MCF2L2: variants seen among roughly 807,000 people sequenced by gnomAD.
MCF2L2 encodes MCF.2 cell line derived transforming sequence-like 2.
In MCF2L2, 102 loss-of-function variants were observed where a neutral mutation model predicts 150.2. That is an observed-to-expected ratio of 0.68 (90% CI 0.58 to 0.80). MCF2L2 has a LOEUF of 0.80. Among genes scored for constraint, MCF2L2 ranks in the 30% least tolerant of loss-of-function variants. The probability of loss-of-function intolerance (pLI) is 0.00; values close to 1 mark genes in which losing one functional copy is unlikely to be tolerated. For missense variants in MCF2L2, 1,256 were observed against 1,372.8 expected (o/e 0.91, Z 1.34); for synonymous variants, 465 against 491.3 (o/e 0.95, Z 0.71).
At chr3:183,188,953 T>A (rs114337504) in intron 27 of MCF2L2, among the ~76,000 whole-genome samples, 1,974 of 151,256 alleles carry the variant, frequency 0.013, 47 homozygotes, top group African/African-American at 0.045. Flanking sequence ...GAGCGACAAG[T>A]GTGAAACTCT....
At chr3:183,343,268 C>G (rs1017765416) in intron 3 of MCF2L2, among the ~76,000 whole-genome samples, 7 of 151,782 alleles carry the variant, frequency 4.6e-5, no homozygotes, top group African/African-American at 1.2e-4. Context: ...CCATAGAGAG[C>G]AAATACTAGA....
chr3:183,213,138 T>C (rs1722797802), intron 22 of MCF2L2, among the ~76,000 whole-genome samples: 1 of 151,948 alleles, frequency 6.6e-6, no homozygotes, highest in Non-Finnish European at 1.5e-5. Context: ...GTGGTTTATA[T>C]AAATTTGTTC....
chr3:183,220,431 G>GAGT (rs1265205102), intron 20 of MCF2L2, among the ~76,000 whole-genome samples: 1 of 152,108 alleles, frequency 6.6e-6, no homozygotes, highest in East Asian at 1.9e-4. Context: ...GGTTGTGGTA[G>GAGT]AGTGTTATAT....
intron 5 of MCF2L2, among the ~76,000 whole-genome samples, chr3:183,336,289 TA>T (rs1182974054): frequency 6.6e-6 from 1 of 152,142 alleles, no homozygotes; most frequent in Non-Finnish European, 1.5e-5. Context: ...GATAAAATGT[TA>T]ACAATGGGTG....
At chr3:183,255,529 A>T (rs1189221157) in intron 15 of MCF2L2, among the ~76,000 whole-genome samples, 1 of 152,146 alleles carries the variant, frequency 6.6e-6, no homozygotes, top group African/African-American at 2.4e-5. Context: ...ACTCAGGCTG[A>T]CCCTTCCCGG....
intron 6 of MCF2L2, among the ~76,000 whole-genome samples, chr3:183,320,244 C>T (rs947550325): frequency 6.6e-6 from 1 of 152,060 alleles, no homozygotes; most frequent in Non-Finnish European, 1.5e-5. Flanking sequence ...AGGCACCCGC[C>T]ACCACGCCCA....
At chr3:183,355,093 T>C (rs1450970645) in intron 3 of MCF2L2, among the ~76,000 whole-genome samples, 2 of 150,660 alleles carry the variant, frequency 1.3e-5, no homozygotes, top group Non-Finnish European at 3.0e-5. Context: ...TATTATTTAT[T>C]TTATTTTATT....
chr3:183,225,204 T>C (rs931868587), intron 18 of MCF2L2: 8 of 152,266 alleles, frequency 5.3e-5, no homozygotes, highest in African/African-American at 1.9e-4. Context: ...TCTGTAGCTC[T>C]TTCTTTCTCC....
intron 5 of MCF2L2, among the ~76,000 whole-genome samples, chr3:183,334,368 A>G (rs1730384949): frequency 6.6e-6 from 1 of 152,208 alleles, no homozygotes; most frequent in South Asian, 2.1e-4. Context: ...TCTATTTAAT[A>G]TTTGGGAAAG....
At chr3:183,424,555 C>T (rs1205622971) in intron 1 of MCF2L2, among the ~76,000 whole-genome samples, 1 of 152,168 alleles carries the variant, frequency 6.6e-6, no homozygotes, top group Non-Finnish European at 1.5e-5. Context: ...ATCTAGGGTA[C>T]ATAAGACTCT....
intron 15 of MCF2L2, among the ~76,000 whole-genome samples, chr3:183,256,950 A>C (rs575771022): frequency 1.3e-5 from 2 of 152,334 alleles, no homozygotes; most frequent in Admixed American, 1.3e-4. Context: ...CGATGTGTTA[A>C]ATGGCCCTTA....
intron 1 of MCF2L2, chr3:183,400,528 C>T (rs1156773778): frequency 4.4e-6 from 2 of 455,218 alleles, no homozygotes; most frequent in Admixed American, 4.7e-5. Flanking sequence ...CGCTCGCTCT[C>T]CATTTCTCTC....
intron 15 of MCF2L2, among the ~76,000 whole-genome samples, chr3:183,239,461 T>TA (rs11377299): frequency 0.26 from 38,458 of 146,344 alleles, 5,111 homozygotes; most frequent in South Asian, 0.34. Context: ...AGGAATATGC[T>TA]AAAAAAAAAA....
chr3:183,249,099 T>G (rs971241869), intron 15 of MCF2L2, among the ~76,000 whole-genome samples: 1 of 152,214 alleles, frequency 6.6e-6, no homozygotes, highest in Non-Finnish European at 1.5e-5. Flanking sequence ...TTTTAAAATA[T>G]GTGTTAATCA....
At chr3:183,241,729 G>T (rs759105245) in intron 15 of MCF2L2, among the ~76,000 whole-genome samples, 1 of 152,184 alleles carries the variant, frequency 6.6e-6, no homozygotes, top group African/African-American at 2.4e-5. Flanking sequence ...GGTAGAGTGG[G>T]GTGCTGCAGT....
intron 4 of MCF2L2, 84 bp from the exon 5 acceptor site, chr3:183,339,003 A>G (rs1730600957): frequency 7.4e-7 from 1 of 1,352,400 alleles, no homozygotes; most frequent in South Asian, 1.6e-5. Flanking sequence ...CCCCTTGCCC[A>G]AGATTAAGAT....
intron 6 of MCF2L2, among the ~76,000 whole-genome samples, chr3:183,319,378 A>G (rs1729724760): frequency 6.6e-6 from 1 of 152,204 alleles, no homozygotes; most frequent in East Asian, 1.9e-4. Context: ...TGAACCCTTC[A>G]AAGTCATCCA....
At chr3:183,238,262 T>A (rs1723831966) in intron 15 of MCF2L2, among the ~76,000 whole-genome samples, 1 of 147,710 alleles carries the variant, frequency 6.8e-6, no homozygotes, top group South Asian at 2.1e-4. Flanking sequence ...TTTTTTTTTT[T>A]AGCTCACCAG....
intron 23 of MCF2L2, among the ~76,000 whole-genome samples, chr3:183,207,210 A>C (rs114554490): frequency 6.6e-6 from 1 of 152,306 alleles, no homozygotes; most frequent in African/African-American, 2.4e-5. Context: ...CTTAGACCCC[A>C]AGGTCAGGAC....
Sources: allele counts gnomAD v4.1 joint callset (sites outside exome capture counted in the v4.1 genomes callset), GRCh38; gene constraint gnomAD v4.1.1; transcripts MANE v1.5; gene names NCBI Gene and HGNC (gene_info 2026-07-23, HGNC 2026-07-21).